The following OMA1 variants were observed in gnomAD, a reference collection of about 807,000 sequenced individuals.
The protein encoded by OMA1 is OMA1 zinc metallopeptidase, also known as metalloendopeptidase OMA1, mitochondrial.
In OMA1, 38 loss-of-function variants were observed where a neutral mutation model predicts 30.9. The ratio of observed to expected loss-of-function variants is 1.23; its 90% CI spans 0.95 to 1.61. The LOEUF is 1.61. OMA1 is among the 40% of genes most tolerant of loss of function. OMA1 has a pLI of 0.00. For synonymous variants in OMA1, 173 were observed against 121.9 expected (o/e 1.42, Z -2.76); for missense variants, 461 against 349.2 (o/e 1.32, Z -2.55).
At chr1:58,527,886 A>T (rs1162756317) in intron 6 of OMA1, among the ~76,000 whole-genome samples, 4 of 152,244 alleles carry the variant, frequency 2.6e-5, no homozygotes, top group Non-Finnish European at 5.9e-5. Context: ...TCAATAAAAA[A>T]CACACATAGA....
chr1:58,507,721 T>G (rs1206230615), intron 7 of OMA1, among the ~76,000 whole-genome samples: 1 of 152,112 alleles, frequency 6.6e-6, no homozygotes. Flanking sequence ...GTATGTAACA[T>G]ATGTATCTAT....
intron 7 of OMA1, among the ~76,000 whole-genome samples, chr1:58,521,324 A>C (rs1333129112): frequency 2.5e-5 from 3 of 120,780 alleles, no homozygotes; most frequent in South Asian, 3.7e-4. Context: ...AAATGTATGT[A>C]CTAGAAAAAA....
At position 58,496,169 on chromosome 1, in the gene OMA1, C is replaced by CTTTTTTTTTTTTTTT. The variant is rs375006213; in HGVS notation, c.1365+9890_1365+9891insAAAAAAAAAAAAAAA. Among the ~76,000 whole-genome samples the CTTTTTTTTTTTTTTT allele has an allele frequency of 2.1e-5, 3 of 144,968 alleles. No individual in the cohort carries two copies. The East Asian group carries it at 6.4e-4, about 31-fold the overall frequency. On this transcript the variant is annotated intron_variant, in intron 8 of 8. Transcript: ENST00000371226. ...TTCAATATTCTTTCATTTTTTTAGA[C>CTTTTTTTTTTTTTTT]TTTTTTTTTTTGGCTTTGGGCATTT...
At chr1:58,516,764 A>G (rs1013936923) in intron 7 of OMA1, among the ~76,000 whole-genome samples, 1 of 152,164 alleles carries the variant, frequency 6.6e-6, no homozygotes, top group South Asian at 2.1e-4. Context: ...TCTCAGAAAT[A>G]GTTCCCAGTA....
intron 1 of OMA1, among the ~76,000 whole-genome samples, chr1:58,546,012 G>A (rs1646697118): frequency 6.6e-6 from 1 of 152,174 alleles, no homozygotes; most frequent in Non-Finnish European, 1.5e-5. Flanking sequence ...TGCCAAATAA[G>A]GGATTTTCAT....
At chr1:58,516,047 G>A (rs151089184) in intron 7 of OMA1, among the ~76,000 whole-genome samples, 37 of 152,286 alleles carry the variant, frequency 2.4e-4, no homozygotes, top group Middle Eastern at 3.4e-3. Context: ...AGCAGGCCAC[G>A]TTTCCCAAAA....
At chr1:58,481,611 T>C (rs1437445857) in intron 8 of OMA1, among the ~76,000 whole-genome samples, 1 of 152,058 alleles carries the variant, frequency 6.6e-6, no homozygotes, top group Non-Finnish European at 1.5e-5. Context: ...CAGTCTTGGG[T>C]AAAATTGATG....
intron 8 of OMA1, among the ~76,000 whole-genome samples, chr1:58,489,398 G>T (rs1291838694): frequency 1.3e-5 from 2 of 152,228 alleles, no homozygotes; most frequent in African/African-American, 2.4e-5. Context: ...CTGGGGGAGG[G>T]GTGCCTGCCA....
intron 7 of OMA1, among the ~76,000 whole-genome samples, chr1:58,520,604 G>A (rs2100451233): frequency 6.6e-6 from 1 of 152,168 alleles, no homozygotes; most frequent in Non-Finnish European, 1.5e-5. Context: ...GAACACAGGA[G>A]GTTTGAAAAT....
chr1:58,495,850 T>C (rs539806419), intron 8 of OMA1, among the ~76,000 whole-genome samples: 27 of 152,334 alleles, frequency 1.8e-4, no homozygotes, highest in Middle Eastern at 3.4e-3. Context: ...ATCTTCCTTA[T>C]GCTTATGAAA....
At chr1:58,483,941 G>GA (rs1645532109) in intron 8 of OMA1, among the ~76,000 whole-genome samples, 1 of 152,332 alleles carries the variant, frequency 6.6e-6, no homozygotes, top group Non-Finnish European at 1.5e-5. Context: ...AGTAAAGGGG[G>GA]AGAGTATGGA....
intron 7 of OMA1, among the ~76,000 whole-genome samples, chr1:58,507,151 GATT>G (rs1467889415): frequency 7.3e-5 from 11 of 150,884 alleles, no homozygotes; most frequent in African/African-American, 2.5e-4. Context: ...CCATAAGGTG[GATT>G]ATTAACAAAT....
intron 8 of OMA1, among the ~76,000 whole-genome samples, chr1:58,485,228 T>TAAAAAAAAAAAAAAAAAAA (rs71043289): frequency 4.8e-5 from 2 of 42,036 alleles, no homozygotes; most frequent in Non-Finnish European, 4.1e-5. Context: ...AGTCTACTAC[T>TAAAAAAAAAAAAAAAAAAA]AAAAAAAAAA....
At chr1:58,499,314 CA>C (rs58217798) in intron 8 of OMA1, among the ~76,000 whole-genome samples, 2,373 of 69,808 alleles carry the variant, frequency 0.034, 19 homozygotes, top group African/African-American at 0.09. Context: ...CACATCTCTA[CA>C]AAAAAAAAAA....
chr1:58,537,907 A>G (rs906407568), intron 2 of OMA1, among the ~76,000 whole-genome samples: 10 of 152,218 alleles, frequency 6.6e-5, no homozygotes, highest in Admixed American at 1.3e-4. Context: ...AGTTACAAAT[A>G]AATAATTTAA....
intron 7 of OMA1, among the ~76,000 whole-genome samples, chr1:58,522,520 C>T (rs1569944711): frequency 6.6e-6 from 1 of 152,034 alleles, no homozygotes. Flanking sequence ...TACAAAGTTG[C>T]CCATCACCAA....
At chr1:58,507,369 T>C (rs1210689413) in intron 7 of OMA1, among the ~76,000 whole-genome samples, 1 of 151,976 alleles carries the variant, frequency 6.6e-6, no homozygotes, top group Non-Finnish European at 1.5e-5. Context: ...AATATATTAA[T>C]AGAACACTGC....
chr1:58,504,142 C>A (rs1413286041), intron 8 of OMA1, among the ~76,000 whole-genome samples: 1 of 152,184 alleles, frequency 6.6e-6, no homozygotes, highest in African/African-American at 2.4e-5. Context: ...TCAAGTCACT[C>A]CTCTGCTCAA....
intron 8 of OMA1, among the ~76,000 whole-genome samples, chr1:58,493,168 CAT>C (rs1645730522): frequency 6.6e-6 from 1 of 152,170 alleles, no homozygotes; most frequent in Non-Finnish European, 1.5e-5. Flanking sequence ...AGAAAAACCA[CAT>C]GATTATCTCA....
Sources: allele counts gnomAD v4.1 joint callset (sites outside exome capture counted in the v4.1 genomes callset), GRCh38; gene constraint gnomAD v4.1.1; transcripts MANE v1.5; gene names NCBI Gene and HGNC (gene_info 2026-07-23, HGNC 2026-07-21).